METTL15: variants seen among roughly 807,000 people sequenced by gnomAD.
The protein encoded by METTL15 is 12S rRNA N(4)-cytidine methyltransferase METTL15.
METTL15 carries 34 observed loss-of-function variants against 38.3 expected under a neutral mutation model. That is an observed-to-expected ratio of 0.89 (90% CI 0.68 to 1.18). METTL15 has a LOEUF of 1.18. Ranked by LOEUF, METTL15 falls within the 50% of genes most tolerant of loss-of-function variation. METTL15 has a pLI of 0.00. For missense variants in METTL15, 438 were observed against 498.4 expected (o/e 0.88, Z 1.15); for synonymous variants, 162 against 170.9 (o/e 0.95, Z 0.41).
At chr11:28,236,982 G>A (rs1424493276) in intron 4 of METTL15, among the ~76,000 whole-genome samples, 1 of 152,114 alleles carries the variant, frequency 6.6e-6, no homozygotes, top group African/African-American at 2.4e-5. Flanking sequence ...CTGTTAGTCT[G>A]ATGGGTTTCC....
In METTL15 at chr11:28,437,326, C is replaced by A. The variant is rs534721136; in HGVS notation, c.*424+12962C>A. ...CTATTAGTTCTTTCCCTCTAGAGAACCCTAATACACTCACCTAGCATGATG... is the reference window on the plus strand; with the variant it reads ...CTATTAGTTCTTTCCCTCTAGAGAAACCTAATACACTCACCTAGCATGATG... On this transcript the variant is annotated intron_variant and NMD_transcript_variant, in intron 6 of 7. Coordinates refer to the METTL15 transcript ENST00000532947. Among the ~76,000 whole-genome samples, 87 of 152,252 alleles carry A rather than the reference C, an allele frequency of 5.7e-4. 1 individual carries two copies. Among genetic ancestry groups the A allele is most frequent in the Middle Eastern group, 3.4e-3 (1 of 294 alleles).
chr11:28,256,775 C>A (rs1413900618), intron 4 of METTL15, among the ~76,000 whole-genome samples: 1 of 151,940 alleles, frequency 6.6e-6, no homozygotes. Context: ...TTTTCTAGTT[C>A]TCTAAGATTC....
At chr11:28,358,329 A>C (rs1328963194) in intron 4 of METTL15, among the ~76,000 whole-genome samples, 1 of 152,210 alleles carries the variant, frequency 6.6e-6, no homozygotes, top group Non-Finnish European at 1.5e-5. Flanking sequence ...CTTCTGTCCT[A>C]CTGAAACTGC....
Position 28,296,786 on chromosome 11 carries a change from G to A in METTL15, c.633G>A (p.Val211=). 3.7e-6 allele frequency: 6 copies of A among 1,613,346 alleles called. No homozygotes were observed. The highest frequency in any genetic ancestry group is 4.2e-6 in the Non-Finnish European group (5 of 1,179,620). The stretch of plus-strand genomic sequence containing the variant: ...ACATGCCCACTGCTGCTGATGTTGT[G>A]AATGCTTTAGATCAACAGGCACTTG... ...YPDMPTAADV[V]NALDQQALAS... is the part of the protein sequence containing the mutation. Residue 211 remains valine, a synonymous_variant, in exon 6 of 7, where the codon GTG becomes GTA. Coordinates refer to ENST00000407364, the MANE Select transcript of METTL15 (RefSeq NM_001113528.2).
intron 6 of METTL15, among the ~76,000 whole-genome samples, chr11:28,438,305 G>T (rs1044456795): frequency 5.3e-5 from 8 of 152,212 alleles, no homozygotes; most frequent in Non-Finnish European, 1.2e-4. Flanking sequence ...TTATAACAAG[G>T]CATATGGGCT....
chr11:28,144,811 C>G (rs1849823188), intron 3 of METTL15: 1 of 153,178 alleles, frequency 6.5e-6, no homozygotes, highest in Non-Finnish European at 1.5e-5. Flanking sequence ...TATTGACACA[C>G]TTTATTCAGA....
At chr11:28,464,485 G>T (rs969837850) in intron 6 of METTL15, among the ~76,000 whole-genome samples, 2 of 152,138 alleles carry the variant, frequency 1.3e-5, no homozygotes, top group African/African-American at 4.8e-5. Flanking sequence ...TGTATGGCAG[G>T]CTGAATTTGA....
chr11:28,324,767 C>CG (rs1282238415), intron 6 of METTL15, among the ~76,000 whole-genome samples: 1 of 152,172 alleles, frequency 6.6e-6, no homozygotes, highest in African/African-American at 2.4e-5. Context: ...TATAGACCCA[C>CG]GCTGTCAGGT....
intron 5 of METTL15, among the ~76,000 whole-genome samples, chr11:28,389,933 A>G (rs1350717835): frequency 1.8e-4 from 28 of 151,780 alleles, no homozygotes; most frequent in South Asian, 8.3e-4. Flanking sequence ...TCTAACTGGT[A>G]TGAGATGGTA....
intron 4 of METTL15, among the ~76,000 whole-genome samples, chr11:28,275,978 A>G (rs906732523): frequency 6.6e-6 from 1 of 152,116 alleles, no homozygotes; most frequent in African/African-American, 2.4e-5. Flanking sequence ...TTACACACCT[A>G]TAGCTAACAT....
At chr11:28,274,396 G>T (rs1264694620) in intron 4 of METTL15, among the ~76,000 whole-genome samples, 2 of 151,910 alleles carry the variant, frequency 1.3e-5, no homozygotes, top group African/African-American at 4.8e-5. Flanking sequence ...AGGAAAAAAG[G>T]TTTGTCATAG....
At chr11:28,138,278 AG>A (rs1849581034) in intron 3 of METTL15, among the ~76,000 whole-genome samples, 1 of 152,198 alleles carries the variant, frequency 6.6e-6, no homozygotes, top group Non-Finnish European at 1.5e-5. Flanking sequence ...TCCTTTTTCC[AG>A]AAAAACAAGA....
chr11:28,240,804 A>G (rs1021826910), intron 4 of METTL15, among the ~76,000 whole-genome samples: 1 of 152,196 alleles, frequency 6.6e-6, no homozygotes, highest in East Asian at 1.9e-4. Flanking sequence ...TGATAGAGGA[A>G]AAGCATAGGG....
intron 6 of METTL15, among the ~76,000 whole-genome samples, chr11:28,463,834 CATGTTCATCACTGA>C (rs1851235595): frequency 6.6e-6 from 1 of 152,086 alleles, no homozygotes; most frequent in African/African-American, 2.4e-5. Flanking sequence ...TGATTCTCAA[CATGTTCATCACTGA>C]ATGTCATAGC....
rs543290852 is a variant in METTL15 at position 28,207,208 on chromosome 11, C to T, written c.271-3854C>T. 1.5e-4 allele frequency among the ~76,000 whole-genome samples: 22 copies of T among 151,690 alleles called. No homozygotes were observed. The East Asian group carries it at 4.4e-3, about 30-fold the overall frequency. ...TGCCAGTTTTCAAAGGGAATGCTTC[C>T]AGTTTTTGCACATTCAGTATGATAT... On this transcript the variant is annotated intron_variant, in intron 3 of 6. Coordinates refer to ENST00000407364, the MANE Select transcript of METTL15 (RefSeq NM_001113528.2).
At chr11:28,475,400 C>A (rs575111826) in intron 6 of METTL15, among the ~76,000 whole-genome samples, 3 of 152,286 alleles carry the variant, frequency 2.0e-5, no homozygotes, top group East Asian at 3.9e-4. Flanking sequence ...CATCTATTGT[C>A]CAAGATTTCT....
intron 4 of METTL15, among the ~76,000 whole-genome samples, chr11:28,228,804 T>C (rs1853579589): frequency 6.6e-6 from 1 of 152,058 alleles, no homozygotes; most frequent in Admixed American, 6.6e-5. Flanking sequence ...ATGTTATTTT[T>C]AAATTTTTAA....
chr11:28,226,648 G>A (rs1333700515), intron 4 of METTL15, among the ~76,000 whole-genome samples: 2 of 151,902 alleles, frequency 1.3e-5, no homozygotes, highest in African/African-American at 2.4e-5. Flanking sequence ...TTTGCTGCTT[G>A]TATTCCTTCT....
At chr11:28,131,215 A>G (rs1849324157) in intron 3 of METTL15, among the ~76,000 whole-genome samples, 2 of 152,178 alleles carry the variant, frequency 1.3e-5, no homozygotes, top group Admixed American at 6.5e-5. Flanking sequence ...GACCAATACG[A>G]TAGAGATGTG....
Sources: allele counts gnomAD v4.1 joint callset (sites outside exome capture counted in the v4.1 genomes callset), GRCh38; gene constraint gnomAD v4.1.1; transcripts MANE v1.5; gene names NCBI Gene and HGNC (gene_info 2026-07-23, HGNC 2026-07-21).